Variants in GBE1 observed in about 807,000 individuals in gnomAD.
GBE1 encodes 1,4-alpha-glucan branching enzyme 1.
Under a neutral mutation model 88.8 loss-of-function variants are expected in GBE1, and 70 were observed. The observed-to-expected ratio is 0.79, with a 90% CI of 0.65 to 0.96. The LOEUF (loss-of-function observed/expected upper bound fraction) is 0.96, where lower values mean the gene tolerates loss of function less well. GBE1 is among the 40% of genes least tolerant of loss of function. The pLI is 0.00. For missense variants in GBE1, 872 were observed against 871.0 expected (o/e 1.00, Z -0.01); for synonymous variants, 284 against 300.1 (o/e 0.95, Z 0.56).
intron 2 of GBE1, among the ~76,000 whole-genome samples, chr3:81,675,147 C>G (rs1705235023): frequency 6.6e-6 from 1 of 151,994 alleles, no homozygotes; most frequent in African/African-American, 2.4e-5. Flanking sequence ...ACTTTAGAAA[C>G]AACTGCCCTA....
intron 14 of GBE1, among the ~76,000 whole-genome samples, chr3:81,500,256 AAGAG>A (rs1702570679): frequency 6.6e-6 from 1 of 152,170 alleles, no homozygotes; most frequent in Non-Finnish European, 1.5e-5. Flanking sequence ...TGAGTTGAGA[AAGAG>A]AGAAAGACTG....
At chr3:81,619,229 A>T (rs1342343763) in intron 7 of GBE1, among the ~76,000 whole-genome samples, 1 of 151,902 alleles carries the variant, frequency 6.6e-6, no homozygotes, top group African/African-American at 2.4e-5. Context: ...TTCATTCTAT[A>T]AAAAAAATTG....
chr3:81,573,775 CTG>C (rs61048893), intron 12 of GBE1, among the ~76,000 whole-genome samples: 33 of 148,764 alleles, frequency 2.2e-4, no homozygotes, highest in African/African-American at 4.7e-4. Flanking sequence ...CTCTCTCTCT[CTG>C]TGTGTGTGTG....
chr3:81,516,589 T>G (rs893973860), intron 14 of GBE1, among the ~76,000 whole-genome samples: 1 of 151,510 alleles, frequency 6.6e-6, no homozygotes, highest in Non-Finnish European at 1.5e-5. Flanking sequence ...AGAAATATAT[T>G]TTGTAAGACT....
chr3:81,726,549 G>C (rs1381054252), intron 1 of GBE1, among the ~76,000 whole-genome samples: 1 of 149,188 alleles, frequency 6.7e-6, no homozygotes, highest in Non-Finnish European at 1.5e-5. Flanking sequence ...TTATTTGGTA[G>C]TTTTTATTTA....
chr3:81,680,242 C>T (rs146148075), intron 2 of GBE1, among the ~76,000 whole-genome samples: 4 of 152,070 alleles, frequency 2.6e-5, no homozygotes, highest in Non-Finnish European at 4.4e-5. Flanking sequence ...GCCCGTAAAC[C>T]CAGCGCTTTG....
intron 9 of GBE1, among the ~76,000 whole-genome samples, chr3:81,588,948 T>C (rs1195515157): frequency 6.6e-6 from 1 of 152,132 alleles, no homozygotes; most frequent in Non-Finnish European, 1.5e-5. Flanking sequence ...ATCTGACTTC[T>C]AGAAAGTTGC....
At chr3:81,552,520 T>TAAAAAAA (rs58899195) in intron 12 of GBE1, among the ~76,000 whole-genome samples, 1 of 55,826 alleles carries the variant, frequency 1.8e-5, no homozygotes, top group African/African-American at 6.4e-5. Context: ...CTATCTTATA[T>TAAAAAAA]AAAAAAAAAA....
chr3:81,521,615 T>C (rs976919397), intron 14 of GBE1, among the ~76,000 whole-genome samples: 4 of 151,474 alleles, frequency 2.6e-5, no homozygotes, highest in Non-Finnish European at 3.0e-5. Context: ...AAAGCTAAGC[T>C]TGGAACAACA....
intron 3 of GBE1, among the ~76,000 whole-genome samples, chr3:81,653,838 T>C (rs183740639): frequency 8.1e-5 from 12 of 148,204 alleles, no homozygotes; most frequent in Admixed American, 8.1e-4. Context: ...GTTAGTAGTT[T>C]TTATTTTTTA....
chr3:81,539,913 G>A (rs1051282205), intron 12 of GBE1, among the ~76,000 whole-genome samples: 1 of 151,942 alleles, frequency 6.6e-6, no homozygotes, highest in Non-Finnish European at 1.5e-5. Flanking sequence ...AGAGAGAATT[G>A]TAGGTGGGGA....
chr3:81,652,927 G>A (rs1264824244), intron 3 of GBE1, among the ~76,000 whole-genome samples: 1 of 152,220 alleles, frequency 6.6e-6, no homozygotes, highest in East Asian at 1.9e-4. Flanking sequence ...ATTCCAGTCG[G>A]AAAAATTTTT....
At chr3:81,613,408 T>C (rs192956927) in intron 7 of GBE1, among the ~76,000 whole-genome samples, 3 of 152,274 alleles carry the variant, frequency 2.0e-5, no homozygotes, top group Admixed American at 2.0e-4. Context: ...GCTAAGTCCC[T>C]GTGTAGTAGT....
chr3:81,581,468 A>G (rs1468904150), intron 10 of GBE1, among the ~76,000 whole-genome samples, 193 bp from the exon 11 acceptor site: 1 of 151,908 alleles, frequency 6.6e-6, no homozygotes, highest in Non-Finnish European at 1.5e-5. Context: ...TCCAAATGAC[A>G]GTGGTGTAGA....
At chr3:81,535,718 C>G (rs1015581079) in intron 13 of GBE1, among the ~76,000 whole-genome samples, 1 of 151,980 alleles carries the variant, frequency 6.6e-6, no homozygotes, top group African/African-American at 2.4e-5. Context: ...CATAAAATTA[C>G]TTTTCAAAAT....
At chr3:81,695,820 A>C (rs1350221052) in intron 2 of GBE1, among the ~76,000 whole-genome samples, 1 of 152,214 alleles carries the variant, frequency 6.6e-6, no homozygotes, top group Non-Finnish European at 1.5e-5. Context: ...TGCTGAAAAA[A>C]AGTGTGGTAT....
At chr3:81,570,477 G>C (rs764959174) in intron 12 of GBE1, among the ~76,000 whole-genome samples, 2 of 152,206 alleles carry the variant, frequency 1.3e-5, no homozygotes, top group Non-Finnish European at 2.9e-5. Flanking sequence ...GAAGATGAAG[G>C]TTGATGGATT....
intron 7 of GBE1, among the ~76,000 whole-genome samples, chr3:81,613,420 C>A (rs543868235): frequency 1.3e-5 from 2 of 152,066 alleles, no homozygotes; most frequent in East Asian, 3.9e-4. Flanking sequence ...TGTAGTAGTG[C>A]ATACAATTCT....
At chr3:81,712,555 AC>A (rs1441668025) in intron 1 of GBE1, among the ~76,000 whole-genome samples, 1 of 151,164 alleles carries the variant, frequency 6.6e-6, no homozygotes, top group African/African-American at 2.4e-5. Flanking sequence ...AGGACAAAAA[AC>A]CAAACACCGC....
Sources: gnomAD v4.1 joint callset for allele counts (sites outside exome capture counted in the v4.1 genomes callset) on GRCh38, gnomAD v4.1.1 for gene constraint, MANE v1.5 for transcripts, NCBI Gene and HGNC (gene_info 2026-07-23, HGNC 2026-07-21) for gene names.